The following CASK variants were observed in gnomAD, a reference collection of about 807,000 sequenced individuals.
The protein encoded by CASK is peripheral plasma membrane protein CASK.
Under a neutral mutation model 82.9 loss-of-function variants are expected in CASK, and 4 were observed. The observed-to-expected ratio is 0.05, with a 90% CI of 0.02 to 0.11. The LOEUF (loss-of-function observed/expected upper bound fraction) is 0.11, where lower values mean the gene tolerates loss of function less well. CASK is among the 10% of genes least tolerant of loss of function. The pLI is 1.00. For missense variants in CASK, 358 were observed against 720.9 expected, an observed-to-expected ratio of 0.50 and a Z score of 5.76; for synonymous variants, 259 against 253.5, an observed-to-expected ratio of 1.02 and a Z score of -0.20.
chrX:41,873,155 AAAG>A (rs1010420428), intron 1 of CASK, among the ~76,000 whole-genome samples: 47 of 110,140 alleles, frequency 4.3e-4, no homozygotes, highest in African/African-American at 1.5e-3. Context: ...TATTTTAGCT[AAAG>A]AAGAAGAAGT....
chrX:41,713,211 T>C (rs937962464), intron 5 of CASK, among the ~76,000 whole-genome samples: 2 of 111,948 alleles, frequency 1.8e-5, no homozygotes, highest in Non-Finnish European at 3.8e-5. Flanking sequence ...TGATAAACTA[T>C]TGAAACTGGA....
At chrX:41,658,000 G>T (rs1262533191) in intron 8 of CASK, among the ~76,000 whole-genome samples, 7 of 110,386 alleles carry the variant, frequency 6.3e-5, no homozygotes, top group Non-Finnish European at 1.3e-4. Flanking sequence ...AATGGCCGAT[G>T]GTTTAATCAA....
At chrX:41,854,859 T>C (rs1293855622) in intron 1 of CASK, among the ~76,000 whole-genome samples, 1 of 112,357 alleles carries the variant, frequency 8.9e-6, no homozygotes, top group African/African-American at 3.2e-5. Context: ...GAAGACAATA[T>C]TACAAACTGA....
At chrX:41,809,150 T>C (rs959461185) in intron 2 of CASK, among the ~76,000 whole-genome samples, 1 of 112,319 alleles carries the variant, frequency 8.9e-6, no homozygotes, top group Non-Finnish European at 1.9e-5. Context: ...CTCTGTAGAC[T>C]CCACCTCTGG....
At chrX:41,852,733 G>A (rs2071288608) in intron 2 of CASK, among the ~76,000 whole-genome samples, 1 of 109,976 alleles carries the variant, frequency 9.1e-6, no homozygotes, top group Non-Finnish European at 1.9e-5. Context: ...TGCATTTTGA[G>A]GTAACTAAGT....
At position 41,546,239 on chromosome X, in the gene CASK, T is replaced by G. The variant is rs754062410; in HGVS notation, c.2040-3433A>C. On this transcript the variant is annotated intron_variant, in intron 21 of 26. Coordinates refer to ENST00000378163, the MANE Select transcript of CASK (RefSeq NM_001367721.1). ...ATCCGCCTGCCTTAGCCTCCCAAAG[T>G]GCTGAGATTACAGGTGTGAGCCACG... is the stretch of plus-strand genomic sequence containing the variant. 5.0e-4 allele frequency among the ~76,000 whole-genome samples: 55 copies of G among 110,737 alleles called. 1 individual carries two copies. Among genetic ancestry groups the G allele is most frequent in the Non-Finnish European group, 8.3e-4 (44 of 52,856 alleles).
intron 9 of CASK, 46 bp from the exon 10 acceptor site, chrX:41,626,749 A>C (rs1569350750): frequency 1.3e-6 from 1 of 793,439 alleles, no homozygotes; most frequent in Non-Finnish European, 1.9e-6. Flanking sequence ...CAAATACACA[A>C]ATATAAATAA....
chrX:41,675,530 T>G (rs2067253739), intron 5 of CASK, among the ~76,000 whole-genome samples: 1 of 111,948 alleles, frequency 8.9e-6, no homozygotes, highest in Admixed American at 9.5e-5. Flanking sequence ...AAATTCCACA[T>G]CCCCATATTG....
At chrX:41,829,297 C>T (rs1001116950) in intron 2 of CASK, among the ~76,000 whole-genome samples, 1 of 110,855 alleles carries the variant, frequency 9.0e-6, no homozygotes, top group African/African-American at 3.3e-5. Context: ...TACCTTCCCC[C>T]ACCGGTAACC....
chrX:41,686,403 CTT>C (rs779954075), intron 5 of CASK, among the ~76,000 whole-genome samples: 29 of 94,373 alleles, frequency 3.1e-4, no homozygotes, highest in Non-Finnish European at 2.6e-4. Context: ...TTCTTTCTTT[CTT>C]TTTTTTTTTT....
chrX:41,870,247 A>G (rs1240432093), intron 1 of CASK, among the ~76,000 whole-genome samples: 1 of 112,214 alleles, frequency 8.9e-6, no homozygotes, highest in Non-Finnish European at 1.9e-5. Context: ...CAGAGGTAAT[A>G]AAAGGACAGA....
intron 5 of CASK, among the ~76,000 whole-genome samples, chrX:41,735,728 T>C (rs900596658): frequency 2.7e-5 from 3 of 110,726 alleles, no homozygotes; most frequent in Non-Finnish European, 5.7e-5. Flanking sequence ...TGTCTTTCGG[T>C]CTTTGCACTG....
intron 2 of CASK, among the ~76,000 whole-genome samples, chrX:41,798,873 G>C (rs533690154): frequency 1.8e-5 from 2 of 112,079 alleles, no homozygotes; most frequent in African/African-American, 3.2e-5. Flanking sequence ...GCAAAGCAAA[G>C]ATTGGAACCC....
chrX:41,816,949 T>C (rs367660070), intron 2 of CASK, among the ~76,000 whole-genome samples: 1 of 111,437 alleles, frequency 9.0e-6, no homozygotes, highest in South Asian at 3.7e-4. Flanking sequence ...CCCCCAAAAT[T>C]GAAAAGGAAC....
chrX:41,835,796 G>A (rs1291480547), intron 2 of CASK, among the ~76,000 whole-genome samples: 1 of 112,193 alleles, frequency 8.9e-6, no homozygotes, highest in Non-Finnish European at 1.9e-5. Context: ...CTTTTCCCAT[G>A]CAGTTGATCT....
intron 13 of CASK, among the ~76,000 whole-genome samples, chrX:41,589,049 T>C (rs927402567): frequency 1.8e-5 from 2 of 112,360 alleles, no homozygotes; most frequent in Non-Finnish European, 3.8e-5. Context: ...GTTGTATTTC[T>C]ATCATAAATA....
rs1193153062 is a variant in CASK, at chrX:41,675,203, A to G, written c.430-3673T>C. ...CTTATCCAGAGTAAAATGGGTCACA[A>G]CTTTGTCTAAAGGAACACTTCTGCA... On this transcript the variant is annotated intron_variant, in intron 5 of 26. Transcript: ENST00000378163. 3.6e-5 allele frequency among the ~76,000 whole-genome samples: 4 copies of G among 112,496 alleles called. No individual in the cohort carries two copies. The East Asian group carries it at 1.1e-3, about 31-fold the overall frequency.
intron 1 of CASK, among the ~76,000 whole-genome samples, chrX:41,913,267 G>A (rs899337648): frequency 8.9e-6 from 1 of 112,197 alleles, no homozygotes; most frequent in African/African-American, 3.2e-5. Context: ...GTTAATGGGT[G>A]CAGCACACCA....
intron 8 of CASK, among the ~76,000 whole-genome samples, chrX:41,658,950 T>C (rs1285356613): frequency 1.8e-5 from 2 of 109,770 alleles, no homozygotes; most frequent in African/African-American, 6.6e-5. Flanking sequence ...TTTTCAGGAG[T>C]TGCTGTCAAG....
Sources: allele counts gnomAD v4.1 joint callset (sites outside exome capture counted in the v4.1 genomes callset), GRCh38; gene constraint gnomAD v4.1.1; transcripts MANE v1.5; gene names NCBI Gene and HGNC (gene_info 2026-07-23, HGNC 2026-07-21).